BBS9: variants seen among roughly 807,000 people sequenced by gnomAD.
The protein encoded by BBS9 is Bardet-Biedl syndrome 9, also known as protein PTHB1.
In BBS9, 89 loss-of-function variants were observed where a neutral mutation model predicts 117.7. That is an observed-to-expected ratio of 0.76 (90% CI 0.64 to 0.90). BBS9 has a LOEUF of 0.90. BBS9 is among the 40% of genes least tolerant of loss of function. The probability of loss-of-function intolerance (pLI) is 0.00; values close to 1 mark genes in which losing one functional copy is unlikely to be tolerated. For synonymous variants in BBS9, 379 were observed against 370.9 expected (o/e 1.02, Z -0.25); for missense variants, 982 against 1,042.2 (o/e 0.94, Z 0.80).
intron 21 of BBS9, among the ~76,000 whole-genome samples, chr7:33,572,595 C>T (rs2129141217): frequency 6.6e-6 from 1 of 152,200 alleles, no homozygotes; most frequent in Admixed American, 6.5e-5. Context: ...CACATCCTCA[C>T]CAACATCTGT....
intron 19 of BBS9, among the ~76,000 whole-genome samples, chr7:33,397,360 A>G (rs1343832789): frequency 1.3e-5 from 2 of 152,238 alleles, no homozygotes; most frequent in Non-Finnish European, 2.9e-5. Context: ...GAACACTTTT[A>G]TACGTTGGTG....
intron 5 of BBS9, among the ~76,000 whole-genome samples, chr7:33,234,801 A>T (rs1793167651): frequency 6.6e-6 from 1 of 152,094 alleles, no homozygotes. Flanking sequence ...AAACATCTGA[A>T]CATTTTAAGG....
chr7:33,517,076 A>C (rs1427616482), intron 20 of BBS9, among the ~76,000 whole-genome samples: 2 of 152,248 alleles, frequency 1.3e-5, no homozygotes, highest in African/African-American at 4.8e-5. Flanking sequence ...ATTGGTTAGC[A>C]GTCTTAGAAC....
intron 21 of BBS9, among the ~76,000 whole-genome samples, chr7:33,603,999 A>G (rs1262319909): frequency 1.3e-5 from 2 of 152,192 alleles, no homozygotes; most frequent in Non-Finnish European, 2.9e-5. Flanking sequence ...CCCTTTATGC[A>G]TAAAACCAAA....
intron 21 of BBS9, among the ~76,000 whole-genome samples, chr7:33,597,558 GCAAAGT>G (rs1384816503): frequency 6.6e-6 from 1 of 152,094 alleles, no homozygotes; most frequent in Non-Finnish European, 1.5e-5. Context: ...AAATAAACCA[GCAAAGT>G]CTTCAAATAT....
At chr7:33,586,711 C>A (rs1297077260) in intron 21 of BBS9, among the ~76,000 whole-genome samples, 1 of 151,828 alleles carries the variant, frequency 6.6e-6, no homozygotes, top group Non-Finnish European at 1.5e-5. Flanking sequence ...TACTATGTAG[C>A]CATAAAAAAC....
At chr7:33,535,314 T>G (rs1207728887) in intron 21 of BBS9, among the ~76,000 whole-genome samples, 2 of 152,202 alleles carry the variant, frequency 1.3e-5, no homozygotes, top group Non-Finnish European at 2.9e-5. Context: ...GCACAATGCT[T>G]GGAACAGAGA....
At chr7:33,492,708 C>T (rs971993818) in intron 19 of BBS9, among the ~76,000 whole-genome samples, 1 of 151,842 alleles carries the variant, frequency 6.6e-6, no homozygotes, top group East Asian at 1.9e-4. Flanking sequence ...GGGCCCTTCA[C>T]CCCAGGAGAT....
intron 1 of BBS9, among the ~76,000 whole-genome samples, chr7:33,134,468 A>G (rs1056246790): frequency 6.6e-6 from 1 of 152,054 alleles, no homozygotes; most frequent in Non-Finnish European, 1.5e-5. Flanking sequence ...TAAATTACTG[A>G]GTTGTATGAG....
At chr7:33,340,478 A>G (rs1257755865) in intron 10 of BBS9, among the ~76,000 whole-genome samples, 1 of 152,166 alleles carries the variant, frequency 6.6e-6, no homozygotes, top group African/African-American at 2.4e-5. Flanking sequence ...ATAACTACTA[A>G]CATTAGAGAC....
Position 33,421,023 on chromosome 7 carries a change from C to A in BBS9, c.2115+32879C>A, listed in dbSNP as rs541939076. Among the ~76,000 whole-genome samples the A allele has an allele frequency of 6.9e-4, 105 of 152,118 alleles. No homozygotes were observed. In the South Asian group the frequency reaches 0.013, roughly 18 times the overall value. On this transcript the variant is annotated intron_variant, in intron 19 of 22. Transcript: ENST00000242067. ...CAACACAAATTGATTTGCTTTTCAG[C>A]GAAAGAACTTCATGCAGAATGTTGA... is the stretch of plus-strand genomic sequence containing the variant.
intron 19 of BBS9, among the ~76,000 whole-genome samples, chr7:33,391,522 A>G (rs936287825): frequency 6.6e-6 from 1 of 152,138 alleles, no homozygotes; most frequent in Non-Finnish European, 1.5e-5. Context: ...CTGCTTTCCT[A>G]GGTATTATTA....
intron 6 of BBS9, among the ~76,000 whole-genome samples, chr7:33,260,890 C>T (rs754049965): frequency 6.6e-6 from 1 of 152,178 alleles, no homozygotes; most frequent in Non-Finnish European, 1.5e-5. Flanking sequence ...CCAGCAACCC[C>T]TCAATAGCTC....
chr7:33,630,336 T>C (rs1337278874), intron 21 of BBS9, among the ~76,000 whole-genome samples: 7 of 152,136 alleles, frequency 4.6e-5, no homozygotes, highest in African/African-American at 1.7e-4. Flanking sequence ...AAATTTAAAG[T>C]GTACAAGTTC....
chr7:33,169,556 G>A (rs1349155328), intron 4 of BBS9, among the ~76,000 whole-genome samples: 6 of 149,742 alleles, frequency 4.0e-5, no homozygotes, highest in Non-Finnish European at 9.0e-5. Context: ...TTTCTCTGAT[G>A]GCCAGTGATG....
intron 20 of BBS9, among the ~76,000 whole-genome samples, chr7:33,508,433 G>C (rs1846447934): frequency 6.6e-6 from 1 of 152,194 alleles, no homozygotes. Flanking sequence ...AGGGCTACCA[G>C]TGTCCCCACT....
At chr7:33,225,636 G>C (rs1353495230) in intron 5 of BBS9, among the ~76,000 whole-genome samples, 2 of 150,846 alleles carry the variant, frequency 1.3e-5, no homozygotes, top group East Asian at 3.9e-4. Flanking sequence ...AGATGTTCCT[G>C]CCTCATCTTT....
At chr7:33,400,233 A>T (rs1445078516) in intron 19 of BBS9, among the ~76,000 whole-genome samples, 6 of 25,916 alleles carry the variant, frequency 2.3e-4, no homozygotes, top group Non-Finnish European at 4.8e-4. Flanking sequence ...TTTGATCTTT[A>T]AAAAAAAAAT....
At chr7:33,291,810 G>A (rs1804099168) in intron 9 of BBS9, among the ~76,000 whole-genome samples, 1 of 152,128 alleles carries the variant, frequency 6.6e-6, no homozygotes, top group African/African-American at 2.4e-5. Context: ...ATGGAAACAA[G>A]GCCTTTGTCT....
Sources: allele counts gnomAD v4.1 joint callset (sites outside exome capture counted in the v4.1 genomes callset), GRCh38; gene constraint gnomAD v4.1.1; transcripts MANE v1.5; gene names NCBI Gene and HGNC (gene_info 2026-07-23, HGNC 2026-07-21).